The following ZNF493 variants were observed in gnomAD, a reference collection of about 807,000 sequenced individuals.
The protein encoded by ZNF493 is zinc finger protein 493.
In ZNF493, 11 loss-of-function variants were observed where a neutral mutation model predicts 12.2. The ratio of observed to expected loss-of-function variants is 0.90; its 90% confidence interval spans 0.57 to 1.50. ZNF493 has a LOEUF of 1.50. Among genes scored for constraint, ZNF493 ranks in the 40% most tolerant of loss-of-function variants. ZNF493 has a pLI of 0.00. For missense variants in ZNF493, 950 were observed against 906.6 expected (o/e 1.05, Z -0.61); for synonymous variants, 286 against 302.6 (o/e 0.95, Z 0.57).
intron 3 of ZNF493, among the ~76,000 whole-genome samples, chr19:21,406,506 T>C (rs1266145504): frequency 6.6e-6 from 1 of 152,194 alleles, no homozygotes; most frequent in Admixed American, 6.5e-5. Context: ...ATCTGACTGC[T>C]TTTCCATTGT....
chr19:21,404,673 C>T (rs2030055408), intron 1 of ZNF493, among the ~76,000 whole-genome samples: 1 of 152,124 alleles, frequency 6.6e-6, no homozygotes, highest in Non-Finnish European at 1.5e-5. Context: ...TACTAGTGAA[C>T]TTGTTAGAAA....
Position 21,426,563 on chromosome 19 carries a change from C to A in ZNF493, c.*1579C>A, listed in dbSNP as rs145111604. On this transcript the variant is annotated 3_prime_UTR_variant, in exon 4 of 4. Transcript: ENST00000392288. ...CTTTACTTGTATCAGATCTTATTGT[C>A]CACATTTTGTACTACAGAAAAACTC... 0.014 allele frequency: 2,341 copies of A among 166,904 alleles called. 31 individuals are homozygous for A. The highest frequency in any genetic ancestry group is 0.021 in the Non-Finnish European group (1,457 of 68,046). The allele number at this position is 166,904 out of a possible 1,614,324, so 10.3% of individuals were successfully genotyped here.
chr19:21,421,211 A>T (rs998402973), intron 3 of ZNF493, among the ~76,000 whole-genome samples: 2 of 146,792 alleles, frequency 1.4e-5, no homozygotes, highest in Non-Finnish European at 3.0e-5. Flanking sequence ...GGGTTTTTTT[A>T]TATTTTTTTA....
Position 21,424,936 on chromosome 19 carries a change from T to A in ZNF493, c.2277T>A (p.His759Gln), listed in dbSNP as rs773392951. ...GGCGGTCTTCACATCTTAGTAGACATAAGATAATTCATATTGGAATTCATA... is the reference window on the plus strand; with the variant it reads ...GGCGGTCTTCACATCTTAGTAGACAAAAGATAATTCATATTGGAATTCATA... The part of the protein sequence containing the change: ...AFRRSSHLSR[H>Q]KIIHIGIHTE... The change falls in exon 4 of 4, where the codon CAT becomes CAA. Residue 759 changes from histidine to glutamine, a missense_variant. By Grantham distance (24) the His-to-Gln change is conservative (BLOSUM62 0). Coordinates refer to ENST00000392288, the MANE Select transcript of ZNF493 (RefSeq NM_001076678.3). 10 of 1,606,498 alleles carry A rather than the reference T, an allele frequency of 6.2e-6. No homozygotes were observed. Among genetic ancestry groups the A allele is most frequent in the Non-Finnish European group, 3.4e-6 (4 of 1,176,790 alleles).
chr19:21,397,284 C>T lies in ZNF493; in HGVS notation c.30+17C>T. 7.4e-6 allele frequency: 12 copies of T among 1,614,138 alleles called. No individual in the cohort carries two copies. The highest frequency in any genetic ancestry group is 1.3e-5 in the African/African-American group (1 of 75,030). On this transcript the variant is annotated intron_variant, in intron 1 of 3. Coordinates refer to ENST00000392288, the MANE Select transcript of ZNF493 (RefSeq NM_001076678.3). ...CTAGACATGGTGAGAGTGCTGGGTC[C>T]GACATCACGAGAGAGGGGAAGGAGT... is the stretch of plus-strand genomic sequence containing the variant.
intron 3 of ZNF493, among the ~76,000 whole-genome samples, chr19:21,416,427 C>T (rs2030496393): frequency 6.6e-6 from 1 of 152,100 alleles, no homozygotes; most frequent in African/African-American, 2.4e-5. Context: ...GTCCATCGGG[C>T]CCTTCACAAT....
chr19:21,405,124 T>C lies in ZNF493; in HGVS notation c.31-5T>C. On this transcript the variant is annotated splice_polypyrimidine_tract_variant and splice_region_variant and intron_variant, in intron 1 of 3. Transcript: ENST00000392288. ...TGTGTGTGTGTTTGTGTGTGTTTGTTTCAGGGGCCGTTGACATTTAGGGAT... is the reference window on the plus strand; with the variant it reads ...TGTGTGTGTGTTTGTGTGTGTTTGTCTCAGGGGCCGTTGACATTTAGGGAT... 1 of 1,612,798 alleles carries C rather than the reference T, an allele frequency of 6.2e-7. No individual in the cohort carries two copies. Among genetic ancestry groups the C allele is most frequent in the Non-Finnish European group, 8.5e-7 (1 of 1,179,516 alleles).
At chr19:21,397,703 C>T in intron 1 of ZNF493, 3 of 380,898 alleles carry the variant, frequency 7.9e-6, no homozygotes, top group Non-Finnish European at 1.4e-5. Context: ...AGAATGTAAT[C>T]AAAGAGTGGT....
chr19:21,406,013 G>A (rs1467842647), intron 3 of ZNF493, among the ~76,000 whole-genome samples, 157 bp downstream of exon 3: 1 of 151,642 alleles, frequency 6.6e-6, no homozygotes, highest in Non-Finnish European at 1.5e-5. Context: ...CTGAGCTCAG[G>A]AGTTCGAGAC....
intron 1 of ZNF493, 185 bp downstream of exon 1, chr19:21,397,452 G>GC: frequency 1.4e-6 from 1 of 726,602 alleles, no homozygotes; most frequent in Non-Finnish European, 2.4e-6. Context: ...AACAGCCGGG[G>GC]CCCCGGGCGT....
intron 3 of ZNF493, among the ~76,000 whole-genome samples, chr19:21,415,956 A>G (rs1391994017): frequency 6.6e-6 from 1 of 152,268 alleles, no homozygotes; most frequent in African/African-American, 2.4e-5. Flanking sequence ...TAAGTCAGTT[A>G]ACATTCTCCA....
chr19:21,403,453 A>G (rs1013713837), intron 1 of ZNF493, among the ~76,000 whole-genome samples: 1 of 152,198 alleles, frequency 6.6e-6, no homozygotes, highest in African/African-American at 2.4e-5. Context: ...TGAGCAGCTC[A>G]TTGTTCCTGA....
chr19:21,405,942 C>T lies in ZNF493; in HGVS notation c.253+86C>T, dbSNP rs570749524. ...AAAAAAAAAAAAAGCCAGTCCTGGC[C>T]GGGAGCAATGGCTCATGCCTGTAGT... On this transcript the variant is annotated intron_variant, in intron 3 of 3. Coordinates refer to ENST00000392288, the MANE Select transcript of ZNF493 (RefSeq NM_001076678.3). The T allele has an allele frequency of 5.4e-5, 55 of 1,021,764 alleles. 1 individual carries two copies. The highest frequency in any genetic ancestry group is 3.8e-4 in the South Asian group (19 of 49,818). 63.3% of individuals were successfully genotyped at this position (1,021,764 alleles called of 1,614,324 possible). A position where few individuals can be genotyped will look rare whatever the true frequency, so the allele number is the denominator to read the frequency against.
In ZNF493 at chr19:21,410,474, T is replaced by C. The variant is rs527325337; in HGVS notation, c.253+4618T>C. ...ACAAAGTATTAATTTTCTGTGTCAT[T>C]TCAAATGCTCTTTTTCTATATGTGT... is the stretch of plus-strand genomic sequence containing the variant. On this transcript the variant is annotated intron_variant, in intron 3 of 3. Transcript: ENST00000392288. 1.1e-3 allele frequency among the ~76,000 whole-genome samples: 162 copies of C among 152,276 alleles called. 3 individuals carry two copies. Among genetic ancestry groups the C allele is most frequent in the African/African-American group, 3.7e-3 (155 of 41,572 alleles).
chr19:21,416,028 A>C (rs545949298), intron 3 of ZNF493, among the ~76,000 whole-genome samples: 6 of 152,334 alleles, frequency 3.9e-5, no homozygotes, highest in Admixed American at 3.9e-4. Flanking sequence ...TGTTGGAGCT[A>C]TGTGCCCATT....
intron 3 of ZNF493, among the ~76,000 whole-genome samples, chr19:21,407,080 G>T (rs2030155198): frequency 6.6e-6 from 1 of 151,732 alleles, no homozygotes; most frequent in African/African-American, 2.4e-5. Context: ...CTGCACGGTG[G>T]CTGGGGCCTG....
At chr19:21,406,331 C>T (rs1307289002) in intron 3 of ZNF493, among the ~76,000 whole-genome samples, 1 of 151,878 alleles carries the variant, frequency 6.6e-6, no homozygotes, top group Non-Finnish European at 1.5e-5. Context: ...TCTCGGAAGC[C>T]TTTGGCATTT....
rs749056984 is a variant in ZNF493, at chr19:21,424,184, A to G, written c.1525A>G (p.Ile509Val). The change falls in exon 4 of 4, where the codon ATA becomes GTA. Residue 509 changes from isoleucine to valine, a missense_variant. Ile to Val is a conservative substitution (Grantham distance 29, BLOSUM62 3). Transcript: ENST00000392288. ...ATCTTCAACCCTTAGTATACATAAA[A>G]TAATTCATACTGGAGAAAAACCCTA... is the stretch of plus-strand genomic sequence containing the variant. Reference protein sequence around the residue: ...NQSSTLSIHKIIHTGEKPYKC... With the variant: ...NQSSTLSIHKVIHTGEKPYKC... 18 of 1,613,496 alleles carry G rather than the reference A, an allele frequency of 1.1e-5. No individual in the cohort carries two copies. Among genetic ancestry groups the G allele is most frequent in the East Asian group, 2.2e-5 (1 of 44,830 alleles).
chr19:21,405,262 A>G lies in ZNF493; in HGVS notation c.157+7A>G, dbSNP rs1258889296. On this transcript the variant is annotated splice_region_variant and intron_variant, in intron 2 of 3. Transcript: ENST00000392288. ...AGAAACCTGGTCTTCTTGGGTGAGAATAACTTTAATACAAAATCCCTTATA... is the reference window on the plus strand; with the variant it reads ...AGAAACCTGGTCTTCTTGGGTGAGAGTAACTTTAATACAAAATCCCTTATA... 6.2e-7 allele frequency: 1 copy of G among 1,610,412 alleles called. No individual in the cohort carries two copies. The highest frequency in any genetic ancestry group is 1.7e-5 in the Admixed American group (1 of 58,744).
Sources: allele counts gnomAD v4.1 joint callset (sites outside exome capture counted in the v4.1 genomes callset), GRCh38; gene constraint gnomAD v4.1.1; transcripts MANE v1.5; gene names NCBI Gene and HGNC (gene_info 2026-07-23, HGNC 2026-07-21).